LSM2: variants seen among roughly 807,000 people sequenced by gnomAD.
The protein encoded by LSM2 is LSM2 homolog, U6 small nuclear RNA and mRNA degradation associated.
LSM2 carries 12 observed loss-of-function variants against 17.0 expected under a neutral mutation model. That is an observed-to-expected ratio of 0.70 (90% CI 0.45 to 1.14). The LOEUF (loss-of-function observed/expected upper bound fraction) is 1.14, where lower values mean the gene tolerates loss of function less well. Ranked by LOEUF, LSM2 falls within the 50% of genes most tolerant of loss-of-function variation. LSM2 has a pLI of 0.00. For missense variants in LSM2, 62 were observed against 111.8 expected (o/e 0.55, Z 2.01); for synonymous variants, 42 against 44.5 (o/e 0.94, Z 0.22).
chr6:31,800,065 G>A (rs913974066), intron 2 of LSM2, among the ~76,000 whole-genome samples: 2 of 152,302 alleles, frequency 1.3e-5, no homozygotes, highest in South Asian at 2.1e-4. Flanking sequence ...GGCCGGGCAC[G>A]GTGGCTCACG....
At chr6:31,798,084 AT>A (rs9279422) in intron 3 of LSM2, 35 bp from the exon 4 acceptor site, 291,680 of 1,149,544 alleles carry the variant, frequency 0.25, 13,369 homozygotes, top group African/African-American at 0.34. Flanking sequence ...TATTATTATT[AT>A]TTTTTTTTTT....
chr6:31,806,924 G>C lies in LSM2; in HGVS notation c.-167C>G. 2.2e-6 allele frequency: 2 copies of C among 901,872 alleles called. No individual in the cohort carries two copies. Among genetic ancestry groups the C allele is most frequent in the South Asian group, 1.8e-5 (1 of 56,154 alleles). The allele number at this position is 901,872 out of a possible 1,614,324, so 55.9% of individuals were successfully genotyped here. A position where few individuals can be genotyped will look rare whatever the true frequency, so the allele number is the denominator to read the frequency against. ...AAGCGCTGACGGGCAAAGCGCGGCC[G>C]ACTTGCGGCTGGGGAGCGCAAGCTG... is the stretch of plus-strand genomic sequence containing the variant. On this transcript the variant is annotated 5_prime_UTR_variant, in exon 1 of 5. Transcript: ENST00000375661.
chr6:31,806,527 G>A (rs2151454458), intron 1 of LSM2: 1 of 667,778 alleles, frequency 1.5e-6, no homozygotes. Context: ...TCCGTCTCCC[G>A]CTATCCTCAC....
rs376861218 is a variant in LSM2 at position 31,806,807 on chromosome 6, T to A, written c.-50A>T. The A allele has an allele frequency of 6.3e-7, 1 of 1,597,194 alleles. No individual in the cohort carries two copies. Among genetic ancestry groups the A allele is most frequent in the Admixed American group, 1.8e-5 (1 of 56,302 alleles). ...CCGGACCGGGAAGACAGCAGGGTGC[T>A]GCGAGCAGGTCTGGGGAAACCGAAG... On this transcript the variant is annotated 5_prime_UTR_variant, in exon 1 of 5. Transcript: ENST00000375661.
At chr6:31,798,431 C>T (rs1211506066) in intron 3 of LSM2, 46 bp downstream of exon 3, 2 of 1,610,746 alleles carry the variant, frequency 1.2e-6, no homozygotes, top group East Asian at 4.5e-5. Context: ...TAAGTCTCCC[C>T]TCTCCTTCTC....
rs1380131579 is a variant in LSM2, at chr6:31,806,963, G to C, written c.-206C>G. The C allele has an allele frequency of 1.7e-6, 1 of 593,768 alleles. No individual in the cohort carries two copies. Among genetic ancestry groups the C allele is most frequent in the Non-Finnish European group, 2.9e-6 (1 of 350,534 alleles). The allele number at this position is 593,768 out of a possible 1,614,324, so 36.8% of individuals were successfully genotyped here. ...GAGCGCAAGCTGGGTAGAGTAGAGGGGAGGAGGAAGCCGGGAAAGGGGCGG... is the reference window on the plus strand; with the variant it reads ...GAGCGCAAGCTGGGTAGAGTAGAGGCGAGGAGGAAGCCGGGAAAGGGGCGG... On this transcript the variant is annotated 5_prime_UTR_variant, in exon 1 of 5. Coordinates refer to ENST00000375661, the MANE Select transcript of LSM2 (RefSeq NM_021177.5).
intron 2 of LSM2, among the ~76,000 whole-genome samples, chr6:31,800,797 A>G (rs1453083060): frequency 1.3e-5 from 2 of 151,804 alleles, no homozygotes; most frequent in African/African-American, 2.4e-5. Flanking sequence ...TGAGGTAGAA[A>G]AATGGCGTGA....
intron 2 of LSM2, 45 bp downstream of exon 2, chr6:31,806,030 C>T: frequency 6.4e-7 from 1 of 1,571,694 alleles, no homozygotes; most frequent in Non-Finnish European, 8.7e-7. Flanking sequence ...TTCCAGGGCC[C>T]TGGGCACACC....
chr6:31,804,316 C>A (rs625421), intron 2 of LSM2, among the ~76,000 whole-genome samples: 11,134 of 150,126 alleles, frequency 0.074, 533 homozygotes, highest in Non-Finnish European at 0.11. Context: ...GCCGAGATTA[C>A]GCCATTGCAG....
intron 2 of LSM2, among the ~76,000 whole-genome samples, chr6:31,805,369 CT>C (rs113500265): frequency 2.4e-4 from 34 of 143,368 alleles, no homozygotes; most frequent in Middle Eastern, 3.5e-3. Flanking sequence ...CTAGTACTTA[CT>C]TTTTTTTTTT....
chr6:31,806,126 A>C lies in LSM2; in HGVS notation c.20T>G (p.Phe7Cys). The C allele has an allele frequency of 6.2e-7, 1 of 1,612,900 alleles. No homozygotes were observed. Among genetic ancestry groups the C allele is most frequent in the Middle Eastern group, 1.7e-4 (1 of 6,060 alleles). Residue 7 changes from phenylalanine to cysteine, a missense_variant, in exon 2 of 5, where the codon TTC becomes TGC. Phe to Cys is a radical substitution (Grantham distance 205, BLOSUM62 -2). Coordinates refer to ENST00000375661, the MANE Select transcript of LSM2 (RefSeq NM_021177.5). MLFYSFFKSLVGKDVVV... is the reference protein window; with the variant it reads MLFYSFCKSLVGKDVVV... ...CACATCCTTGCCCACAAGGGACTTG[A>C]AAAAAGAATAGAAGAGCTATTGGGA...
chr6:31,806,399 T>G, intron 1 of LSM2: 1 of 601,014 alleles, frequency 1.7e-6, no homozygotes, highest in Non-Finnish European at 2.9e-6. Flanking sequence ...CACTGTGCTC[T>G]CTCAGTCGAC....
chr6:31,806,870 G>A lies in LSM2; in HGVS notation c.-113C>T. Reference sequence around the variant, plus strand: ...CGTGGGGCGAGGCGGGACCGCGCAGGCGCAGCGGGAAGCGACGCAGAAAGC... The same window carrying A: ...CGTGGGGCGAGGCGGGACCGCGCAGACGCAGCGGGAAGCGACGCAGAAAGC... On this transcript the variant is annotated 5_prime_UTR_variant, in exon 1 of 5. Coordinates refer to ENST00000375661, the MANE Select transcript of LSM2 (RefSeq NM_021177.5). 1.5e-6 allele frequency: 2 copies of A among 1,379,212 alleles called. No individual in the cohort carries two copies. The highest frequency in any genetic ancestry group is 1.9e-6 in the Non-Finnish European group (2 of 1,035,538). 85.4% of individuals were successfully genotyped at this position (1,379,212 alleles called of 1,614,324 possible).
intron 2 of LSM2, among the ~76,000 whole-genome samples, chr6:31,804,547 G>A (rs1347677267): frequency 2.0e-5 from 3 of 152,040 alleles, no homozygotes; most frequent in African/African-American, 4.8e-5. Context: ...TCAGAATAGT[G>A]GTTAGTCAAT....
rs960782045 is a variant in LSM2 at position 31,806,923 on chromosome 6, C to A, written c.-166G>T. ...CAAGCGCTGACGGGCAAAGCGCGGC[C>A]GACTTGCGGCTGGGGAGCGCAAGCT... is the stretch of plus-strand genomic sequence containing the variant. On this transcript the variant is annotated 5_prime_UTR_variant, in exon 1 of 5. Transcript: ENST00000375661. The A allele has an allele frequency of 8.9e-6, 8 of 901,614 alleles. 1 individual carries two copies. In the South Asian group the frequency reaches 1.2e-4, roughly 14 times the overall value. The allele number at this position is 901,614 out of a possible 1,614,324, so 55.9% of individuals were successfully genotyped here.
At chr6:31,801,624 A>G (rs931178515) in intron 2 of LSM2, among the ~76,000 whole-genome samples, 2 of 151,398 alleles carry the variant, frequency 1.3e-5, no homozygotes, top group Non-Finnish European at 2.9e-5. Context: ...GTGAAACCCC[A>G]TCCCTACTAA....
intron 2 of LSM2, among the ~76,000 whole-genome samples, chr6:31,804,505 G>T (rs893402704): frequency 6.6e-6 from 1 of 152,122 alleles, no homozygotes; most frequent in African/African-American, 2.4e-5. Flanking sequence ...ATATTACTTA[G>T]CAGTGTTTGA....
At chr6:31,798,332 A>C in intron 3 of LSM2, 145 bp downstream of exon 3, 3 of 954,832 alleles carry the variant, frequency 3.1e-6, no homozygotes, top group Non-Finnish European at 4.7e-6. Context: ...TCGGCCTCTC[A>C]AAGTGCTGGG....
intron 2 of LSM2, 24 bp from the exon 3 acceptor site, chr6:31,798,531 G>A: frequency 6.2e-7 from 1 of 1,612,402 alleles, no homozygotes; most frequent in South Asian, 1.1e-5. Flanking sequence ...AGGGAGAGAA[G>A]AATCAAATTA....
Sources: allele counts gnomAD v4.1 joint callset (sites outside exome capture counted in the v4.1 genomes callset), GRCh38; gene constraint gnomAD v4.1.1; transcripts MANE v1.5; gene names NCBI Gene and HGNC (gene_info 2026-07-23, HGNC 2026-07-21).